Variants in SLC41A3 observed in about 807,000 individuals in gnomAD.
The protein encoded by SLC41A3 is solute carrier family 41 member 3, also known as SLC41A1-like 2.
Under a neutral mutation model 45.4 loss-of-function variants are expected in SLC41A3, and 44 were observed. The ratio of observed to expected loss-of-function variants is 0.97; its 90% CI spans 0.76 to 1.25. SLC41A3 has a LOEUF of 1.25. Among genes scored for constraint, SLC41A3 ranks in the 50% most tolerant of loss-of-function variants. SLC41A3 has a pLI of 0.00. For synonymous variants in SLC41A3, 256 were observed against 252.4 expected, an observed-to-expected ratio of 1.01 and a Z score of -0.13; for missense variants, 550 against 600.6, an observed-to-expected ratio of 0.92 and a Z score of 0.88.
In SLC41A3 at chr3:126,055,883, G is replaced by A. The variant is rs147791899; in HGVS notation, c.274-4833C>T. Among the ~76,000 whole-genome samples, 84 of 152,210 alleles carry A rather than the reference G, an allele frequency of 5.5e-4. 1 individual carries two copies. The highest frequency in any genetic ancestry group is 6.5e-4 in the Admixed American group (10 of 15,304). On this transcript the variant is annotated intron_variant, in intron 2 of 10. Coordinates refer to ENST00000360370, the MANE Select transcript of SLC41A3 (RefSeq NM_017836.4). ...ACCAGGGGCCACGCCAGGATGCTGC[G>A]GGCTGGGCACACTGCAGCTCTGCCC...
chr3:126,006,591 G>T lies in SLC41A3; in HGVS notation c.*425C>A. 1 of 1,582,290 alleles carries T rather than the reference G, an allele frequency of 6.3e-7. No homozygotes were observed. Among genetic ancestry groups the T allele is most frequent in the Non-Finnish European group, 8.5e-7 (1 of 1,170,474 alleles). ...TGGTGAAGACAGCAAGTAAGCCACA[G>T]CTCAAGAGTTCTGAGGCTTGGGAAC... is the stretch of plus-strand genomic sequence containing the variant. On this transcript the variant is annotated 3_prime_UTR_variant, in exon 11 of 11. Coordinates refer to ENST00000360370, the MANE Select transcript of SLC41A3 (RefSeq NM_017836.4).
chr3:126,018,966 A>C (rs140390411), intron 6 of SLC41A3, among the ~76,000 whole-genome samples: 1 of 152,314 alleles, frequency 6.6e-6, no homozygotes, highest in Non-Finnish European at 1.5e-5. Context: ...CTGTGGGAAT[A>C]ATGGCTGATT....
chr3:126,037,685 T>C (rs1012957354), intron 3 of SLC41A3, among the ~76,000 whole-genome samples: 3 of 152,192 alleles, frequency 2.0e-5, no homozygotes, highest in African/African-American at 7.2e-5. Flanking sequence ...TTGAAACTTA[T>C]ATTTAAAAGA....
chr3:126,033,456 G>T, intron 4 of SLC41A3, 151 bp downstream of exon 4: 1 of 796,122 alleles, frequency 1.3e-6, no homozygotes, highest in South Asian at 1.7e-5. Context: ...CGTGAATGTG[G>T]TCTATTGGAT....
At chr3:126,029,436 A>G (rs1370409546) in intron 4 of SLC41A3, among the ~76,000 whole-genome samples, 1 of 151,148 alleles carries the variant, frequency 6.6e-6, no homozygotes, top group Non-Finnish European at 1.5e-5. Context: ...GTCTCCCACC[A>G]TAATTGGAAG....
rs565271990 is a variant in SLC41A3 at position 126,036,212 on chromosome 3, C to T, written c.382-2534G>A. On this transcript the variant is annotated intron_variant, in intron 3 of 10. Transcript: ENST00000360370. The stretch of plus-strand genomic sequence containing the variant: ...ACAGCCTGCTTTCACTGACTCGGGG[C>T]GCCAGCGCCAAGTATTCTCCATGCA... Among the ~76,000 whole-genome samples the T allele has an allele frequency of 3.0e-4, 46 of 152,362 alleles. No individual in the cohort carries two copies. The South Asian group carries it at 7.5e-3, about 25-fold the overall frequency.
upstream of SLC41A3, among the ~76,000 whole-genome samples, chr3:126,086,408 G>GGTTTTTTTTTT (rs776330275): frequency 4.3e-4 from 9 of 21,176 alleles, 1 homozygote; most frequent in South Asian, 1.8e-3. Flanking sequence ...TTGTTTTCTT[G>GGTTTTTTTTTT]TTTTTTTTTT....
chr3:126,012,303 T>C (rs1458627646), intron 9 of SLC41A3, among the ~76,000 whole-genome samples: 1 of 152,200 alleles, frequency 6.6e-6, no homozygotes, highest in African/African-American at 2.4e-5. Flanking sequence ...CCCAACATAA[T>C]TTTTAATTAC....
chr3:126,065,098 CT>C (rs1178431112), intron 2 of SLC41A3, among the ~76,000 whole-genome samples: 1 of 152,240 alleles, frequency 6.6e-6, no homozygotes, highest in African/African-American at 2.4e-5. Context: ...GTCCTTCAAC[CT>C]CAGGGAGGAA....
intron 1 of SLC41A3, among the ~76,000 whole-genome samples, chr3:126,072,539 AG>A (rs1944672572): frequency 6.6e-6 from 1 of 152,240 alleles, no homozygotes; most frequent in African/African-American, 2.4e-5. Context: ...TAACTATAAG[AG>A]AATATATGAT....
rs200450329 is a variant in SLC41A3, at chr3:126,016,708, C to A, written c.890+23G>T. 256 of 1,594,390 alleles carry A rather than the reference C, an allele frequency of 1.6e-4. No individual in the cohort carries two copies. In the East Asian group the frequency reaches 5.5e-3, roughly 34 times the overall value. On this transcript the variant is annotated intron_variant, in intron 7 of 10. Coordinates refer to ENST00000360370, the MANE Select transcript of SLC41A3 (RefSeq NM_017836.4). ...TCATGGCTGAGAGGAGGAAGAGGGG[C>A]CGTGGCCCTGGCTCCTGCTCACCTG...
chr3:126,052,953 G>A (rs62263463), intron 2 of SLC41A3, among the ~76,000 whole-genome samples: 21,050 of 152,202 alleles, frequency 0.14, 1,644 homozygotes, highest in African/African-American at 0.18. Flanking sequence ...AAGCCTGGGC[G>A]GAAGACGGCG....
intron 9 of SLC41A3, among the ~76,000 whole-genome samples, chr3:126,011,291 A>G (rs1262916470): frequency 6.6e-6 from 1 of 152,234 alleles, no homozygotes; most frequent in African/African-American, 2.4e-5. Context: ...AACACATACA[A>G]TACCCCCAAA....
intron 2 of SLC41A3, among the ~76,000 whole-genome samples, chr3:126,066,306 C>T (rs1312782749): frequency 6.6e-6 from 1 of 152,150 alleles, no homozygotes; most frequent in Non-Finnish European, 1.5e-5. Flanking sequence ...GGGCTAGTGC[C>T]ACAGCCTCAG....
chr3:126,050,784 G>T, intron 3 of SLC41A3, 159 bp downstream of exon 3: 1 of 1,276,848 alleles, frequency 7.8e-7, no homozygotes, highest in Non-Finnish European at 1.0e-6. Context: ...GCATTGGGCT[G>T]GGAGAGGGAC....
Position 126,033,673 on chromosome 3 carries a change from G to A in SLC41A3, c.387C>T (p.Asn129=), listed in dbSNP as rs1047349441. The A allele has an allele frequency of 2.5e-6, 4 of 1,612,736 alleles. No homozygotes were observed. The highest frequency in any genetic ancestry group is 3.4e-6 in the Non-Finnish European group (4 of 1,179,716). ...TLASRLSTAA[N]TGQIDDPQEQ... ...CCTGGGGGTCATCAATTTGTCCAGT[G>A]TTGGCCTAGAATGAAGAGAAAAGGA... Residue 129 remains asparagine, a synonymous_variant, in exon 4 of 11, where the codon AAC becomes AAT. Transcript: ENST00000360370.
intron 3 of SLC41A3, among the ~76,000 whole-genome samples, chr3:126,038,390 G>T (rs529912260): frequency 6.6e-6 from 1 of 152,350 alleles, no homozygotes; most frequent in African/African-American, 2.4e-5. Flanking sequence ...AGCCACAGAG[G>T]CTGCACCCTG....
At chr3:126,068,970 G>A (rs1253976925) in intron 1 of SLC41A3, among the ~76,000 whole-genome samples, 1 of 152,160 alleles carries the variant, frequency 6.6e-6, no homozygotes, top group Non-Finnish European at 1.5e-5. Context: ...ACCAGCTGGG[G>A]TGAACAACAG....
intron 1 of SLC41A3, chr3:126,092,619 T>C (rs6438969): frequency 0.62 from 93,809 of 152,356 alleles, 29,314 homozygotes; most frequent in African/African-American, 0.73. Context: ...TGGCGTCCAT[T>C]GTGGGGGCTC....
Sources: allele counts gnomAD v4.1 joint callset (sites outside exome capture counted in the v4.1 genomes callset), GRCh38; gene constraint gnomAD v4.1.1; transcripts MANE v1.5; gene names NCBI Gene and HGNC (gene_info 2026-07-23, HGNC 2026-07-21).